HOXD13: variants seen among roughly 807,000 people sequenced by gnomAD.
HOXD13 encodes the protein homeobox protein Hox-D13.
A neutral mutation model predicts 27.3 loss-of-function variants in HOXD13; 16 were observed. That is an observed-to-expected ratio of 0.59 (90% CI 0.40 to 0.89). The LOEUF (loss-of-function observed/expected upper bound fraction) is 0.89. Among genes scored for constraint, HOXD13 ranks in the 40% least tolerant of loss-of-function variants. The pLI is 0.00. For missense variants in HOXD13, 481 were observed against 482.6 expected (o/e 1.00, Z 0.03); for synonymous variants, 241 against 219.0 (o/e 1.10, Z -0.89).
Position 176,093,601 on chromosome 2 carries a change from G to C in HOXD13, c.711G>C (p.Gly237=). ...ACCAGTCCTGGACGCTGGCTAACGG[G>C]TGGAACAGCCAGGTGTACTGCACCA... is the stretch of plus-strand genomic sequence containing the variant. The part of the protein sequence containing the change: ...EGYQSWTLAN[G]WNSQVYCTKD... Residue 237 remains glycine (G), a synonymous_variant, in exon 1 of 2, where the codon GGG becomes GGC. Transcript: ENST00000392539. The C allele has an allele frequency of 2.5e-6, 4 of 1,613,722 alleles. No individual in the cohort carries two copies. In the East Asian group the frequency reaches 6.7e-5, roughly 27 times the overall value.
At chr2:176,089,506 C>G (rs2105376336), upstream of HOXD13, among the ~76,000 whole-genome samples, 1 of 152,304 alleles carries the variant, frequency 6.6e-6, no homozygotes, top group African/African-American at 2.4e-5. Context: ...GTGATCCTGG[C>G]CTTAATGGCC....
upstream of HOXD13, among the ~76,000 whole-genome samples, chr2:176,089,801 A>C (rs1267869718): frequency 6.6e-6 from 1 of 152,220 alleles, no homozygotes; most frequent in Non-Finnish European, 1.5e-5. Flanking sequence ...AAAATCAGGA[A>C]CAGCGGCAAA....
upstream of HOXD13, among the ~76,000 whole-genome samples, chr2:176,088,485 G>C (rs914790543): frequency 1.3e-5 from 2 of 152,178 alleles, no homozygotes; most frequent in Non-Finnish European, 2.9e-5. Context: ...GACATCTAGC[G>C]CCAGGCGTGG....
intron 1 of HOXD13, 33 bp from the exon 2 acceptor site, chr2:176,094,447 G>A (rs373235672): frequency 5.6e-6 from 9 of 1,610,206 alleles, no homozygotes; most frequent in African/African-American, 5.4e-5. Context: ...GAATATCCCA[G>A]CCTAATTTTT....
chr2:176,092,018 T>G (rs1395427155), upstream of HOXD13, among the ~76,000 whole-genome samples: 1 of 152,064 alleles, frequency 6.6e-6, no homozygotes, highest in Non-Finnish European at 1.5e-5. Flanking sequence ...CTGGGACAGA[T>G]TGTCAGGCTC....
At chr2:176,088,098 C>G (rs1312493213), upstream of HOXD13, among the ~76,000 whole-genome samples, 6 of 152,382 alleles carry the variant, frequency 3.9e-5, no homozygotes, top group African/African-American at 1.2e-4. Context: ...CTTGCGGTCC[C>G]GCCTTGGGAC....
At chr2:176,094,393 A>ACACG in intron 1 of HOXD13, 87 bp from the exon 2 acceptor site, 1 of 1,456,844 alleles carries the variant, frequency 6.9e-7, no homozygotes, top group East Asian at 2.3e-5. Flanking sequence ...ACGCACACAC[A>ACACG]CACACACACA....
At position 176,094,489 on chromosome 2, in the gene HOXD13, C is replaced by T. The variant is rs1171995256; in HGVS notation, c.791C>T (p.Ala264Val). 1.9e-6 allele frequency: 3 copies of T among 1,613,970 alleles called. No individual in the cohort carries two copies. The change falls in exon 2 of 2, where the codon GCT (alanine) becomes GTT (valine). Residue 264 changes from alanine to valine, a missense_variant. Physicochemically the swap from Ala to Val is moderately conservative, Grantham distance 64. Transcript: ENST00000392539. ...FWKSSFPGDV[A>V]LNQPDMCVYR... The stretch of plus-strand genomic sequence containing the variant: ...CTTTTGTTTGTATCAGGGGATGTGG[C>T]TCTAAATCAGCCGGACATGTGCGTC...
At chr2:176,094,087 C>A (rs1246901338) in intron 1 of HOXD13, among the ~76,000 whole-genome samples, 1 of 152,148 alleles carries the variant, frequency 6.6e-6, no homozygotes, top group Admixed American at 6.5e-5. Flanking sequence ...AACATAGGAA[C>A]GCGGGAAATC....
rs776997927 is a variant in HOXD13, at chr2:176,093,622, C to T, written c.732C>T (p.Cys244=). 2 of 1,610,116 alleles carry T rather than the reference C, an allele frequency of 1.2e-6. No individual in the cohort carries two copies. The highest frequency in any genetic ancestry group is 2.2e-5 in the East Asian group (1 of 44,782). The stretch of plus-strand genomic sequence containing the variant: ...ACGGGTGGAACAGCCAGGTGTACTG[C>T]ACCAAGGACCAGCCACAGGGGTCCC... ...LANGWNSQVY[C]TKDQPQGSHF... Residue 244 remains cysteine (C), a synonymous_variant, in exon 1 of 2, where the codon TGC becomes TGT. Coordinates refer to ENST00000392539, the MANE Select transcript of HOXD13 (RefSeq NM_000523.4).
At position 176,093,332 on chromosome 2, in the gene HOXD13, C is replaced by T. The variant is rs1238606182; in HGVS notation, c.442C>T (p.Gln148Ter). 6.2e-7 allele frequency: 1 copy of T among 1,613,378 alleles called. No individual in the cohort carries two copies. Among genetic ancestry groups the T allele is most frequent in the Non-Finnish European group, 8.5e-7 (1 of 1,179,986 alleles). Reference sequence around the variant, plus strand: ...TATGTCGCACGGCGTGGGCTTACAGCAGAATGCGCTCAAGTCATCGCCGCA... The same window carrying T: ...TATGTCGCACGGCGTGGGCTTACAGTAGAATGCGCTCAAGTCATCGCCGCA... Reference protein sequence around the residue: ...CRMSHGVGLQQNALKSSPHAS... With the variant: ...CRMSHGVGLQ The change falls in exon 1 of 2, where the codon CAG becomes TAG. Residue 148 changes from glutamine (Q) to a stop codon, truncating the protein, a stop_gained. Coordinates refer to ENST00000392539, the MANE Select transcript of HOXD13 (RefSeq NM_000523.4). LOFTEE classifies it high-confidence loss of function.
chr2:176,092,812 A>G lies in HOXD13; in HGVS notation c.-79A>G, dbSNP rs1689340778. 2 of 927,728 alleles carry G rather than the reference A, an allele frequency of 2.2e-6. No individual in the cohort carries two copies. The allele number at this position is 927,728 out of a possible 1,614,324, so 57.5% of individuals were successfully genotyped here. On this transcript the variant is annotated 5_prime_UTR_variant, in exon 1 of 2. Coordinates refer to ENST00000392539, the MANE Select transcript of HOXD13 (RefSeq NM_000523.4). ...GGAGCGAGCGAACCAGAGAGAAAGGAGAGGAGGGAGGAGGCGCGCCGCGCC... is the reference window on the plus strand; with the variant it reads ...GGAGCGAGCGAACCAGAGAGAAAGGGGAGGAGGGAGGAGGCGCGCCGCGCC...
chr2:176,087,752 G>A (rs1017878223), upstream of HOXD13, among the ~76,000 whole-genome samples: 4 of 152,302 alleles, frequency 2.6e-5, no homozygotes, highest in Admixed American at 2.6e-4. Flanking sequence ...CGCATGCTTT[G>A]GCAGAAATTT....
chr2:176,091,094 CCTTT>C (rs1689312055), upstream of HOXD13, among the ~76,000 whole-genome samples: 2 of 152,176 alleles, frequency 1.3e-5, no homozygotes, highest in Non-Finnish European at 2.9e-5. Flanking sequence ...ATAACTTTCC[CCTTT>C]ATTTGAGCCT....
At chr2:176,090,745 A>C (rs1429003555), upstream of HOXD13, among the ~76,000 whole-genome samples, 1 of 152,204 alleles carries the variant, frequency 6.6e-6, no homozygotes, top group East Asian at 1.9e-4. Flanking sequence ...AGGAAGAAAA[A>C]ATGAGACAAA....
rs143487752 is a variant in HOXD13, at chr2:176,093,186, C to G, written c.296C>G (p.Pro99Arg). Reference sequence around the variant, plus strand: ...TCTTCTGCCGTTGTAGCGGCGCGCCCGGAGGCTCCCCCAGCCAAAGAGTGC... The same window carrying G: ...TCTTCTGCCGTTGTAGCGGCGCGCCGGGAGGCTCCCCCAGCCAAAGAGTGC... ...SSSSAVVAAR[P>R]EAPPAKECPA... Residue 99 changes from proline to arginine, a missense_variant, in exon 1 of 2, where the codon CCG becomes CGG. By Grantham distance (103) the Pro-to-Arg change is moderately radical. Coordinates refer to ENST00000392539, the MANE Select transcript of HOXD13 (RefSeq NM_000523.4). The G allele has an allele frequency of 2.9e-5, 46 of 1,608,794 alleles. 1 individual carries two copies. The highest frequency in any genetic ancestry group is 3.6e-5 in the Non-Finnish European group (43 of 1,179,548).
At chr2:176,090,570 A>G (rs1689305012), upstream of HOXD13, among the ~76,000 whole-genome samples, 2 of 152,232 alleles carry the variant, frequency 1.3e-5, no homozygotes, top group Admixed American at 6.5e-5. Context: ...AAATGTACTT[A>G]TCAGTGAGAA....
intron 1 of HOXD13, among the ~76,000 whole-genome samples, chr2:176,094,164 C>T (rs1428589996): frequency 6.6e-6 from 1 of 152,180 alleles, no homozygotes; most frequent in Non-Finnish European, 1.5e-5. Flanking sequence ...ATACAACCGA[C>T]ATTTGCAGAA....
upstream of HOXD13, among the ~76,000 whole-genome samples, chr2:176,089,141 A>G (rs1047677891): frequency 6.6e-6 from 1 of 152,368 alleles, no homozygotes; most frequent in Non-Finnish European, 1.5e-5. Context: ...AAAGTACTCA[A>G]ATGTGGCTTC....
Sources: allele counts gnomAD v4.1 joint callset (sites outside exome capture counted in the v4.1 genomes callset), GRCh38; gene constraint gnomAD v4.1.1; transcripts MANE v1.5; gene names NCBI Gene and HGNC (gene_info 2026-07-23, HGNC 2026-07-21).